Variants in PJVK observed in about 807,000 individuals in gnomAD.
The protein encoded by PJVK is autosomal recessive deafness type 59 protein.
PJVK carries 33 observed loss-of-function variants against 37.6 expected under a neutral mutation model. The ratio of observed to expected loss-of-function variants is 0.88; its 90% CI spans 0.67 to 1.17. PJVK has a LOEUF of 1.17. Ranked by LOEUF, PJVK falls within the 50% of genes most tolerant of loss-of-function variation. PJVK has a pLI of 0.00. For synonymous variants in PJVK, 141 were observed against 143.5 expected (o/e 0.98, Z 0.13); for missense variants, 410 against 413.8 (o/e 0.99, Z 0.08).
rs149317518 is a variant in PJVK, at chr2:178,458,923, A to G, written c.667+296A>G. 4.0e-3 allele frequency among the ~76,000 whole-genome samples: 609 copies of G among 152,286 alleles called. 2 individuals carry two copies. Among genetic ancestry groups the G allele is most frequent in the Middle Eastern group, 0.014 (4 of 294 alleles). ...ACTGACAAAGTATTCCTTAGCTTAC[A>G]TGGGGAGATAATAAATGACCTTCTT... On this transcript the variant is annotated intron_variant, in intron 5 of 6. Transcript: ENST00000644580.
In PJVK at chr2:178,461,584, C is replaced by CTTTTTTTTTTTTTTTTTTTT. The variant is rs536141412; in HGVS notation, c.*328_*329insTTTTTTTTTTTTTTTTTTTT. Among the ~76,000 whole-genome samples, 11 of 122,782 alleles carry CTTTTTTTTTTTTTTTTTTTT rather than the reference C, an allele frequency of 9.0e-5. No homozygotes were observed. The highest frequency in any genetic ancestry group is 3.2e-4 in the African/African-American group (10 of 30,994). 80.5% of individuals were successfully genotyped at this position (122,782 alleles called of 152,430 possible). A position where few individuals can be genotyped will look rare whatever the true frequency, so the allele number is the denominator to read the frequency against. On this transcript the variant is annotated 3_prime_UTR_variant, in exon 7 of 7. Coordinates refer to ENST00000644580, the MANE Select transcript of PJVK (RefSeq NM_001042702.5). ...GATGTAGTCTATCATTTTAGTTCAC[C>CTTTTTTTTTTTTTTTTTTTT]TTTTTTTTTTTTTTTTTTGAGACAG...
rs953082129 is a variant in PJVK, at chr2:178,462,002, C to T, written c.*728C>T. On this transcript the variant is annotated 3_prime_UTR_variant, in exon 7 of 7. Coordinates refer to ENST00000644580, the MANE Select transcript of PJVK (RefSeq NM_001042702.5). ...CAAGTAGCAACTTTTGGTGTTTCAA[C>T]TATTGCCTTTGGTCTGGTAAAATGA... Among the ~76,000 whole-genome samples, 1 of 152,192 alleles carries T rather than the reference C, an allele frequency of 6.6e-6. No homozygotes were observed. The highest frequency in any genetic ancestry group is 1.5e-5 in the Non-Finnish European group (1 of 68,030).
At chr2:178,457,112 G>C (rs1684157362) in intron 4 of PJVK, among the ~76,000 whole-genome samples, 1 of 152,098 alleles carries the variant, frequency 6.6e-6, no homozygotes, top group Non-Finnish European at 1.5e-5. Flanking sequence ...GGGACTACAG[G>C]CACCTGCCAC....
chr2:178,454,562 T>C, intron 3 of PJVK, 35 bp downstream of exon 3: 1 of 1,586,806 alleles, frequency 6.3e-7, no homozygotes, highest in South Asian at 1.1e-5. Flanking sequence ...TTCAGTGTTT[T>C]CATTAAATAC....
Position 178,460,231 on chromosome 2 carries a change from A to G in PJVK, c.668-117A>G, listed in dbSNP as rs115605819. ...AATGTTACCTTTTCCAAAAGTATGT[A>G]AAAGTCAACTTTTAAAAACAATACA... On this transcript the variant is annotated intron_variant, in intron 5 of 6. Coordinates refer to ENST00000644580, the MANE Select transcript of PJVK (RefSeq NM_001042702.5). The G allele has an allele frequency of 2.8e-3, 2,488 of 902,984 alleles. 12 individuals are homozygous for G. The highest frequency in any genetic ancestry group is 3.5e-3 in the Non-Finnish European group (2,021 of 576,920). The allele number at this position is 902,984 out of a possible 1,614,324, so 55.9% of individuals were successfully genotyped here. A position where few individuals can be genotyped will look rare whatever the true frequency, so the allele number is the denominator to read the frequency against.
At chr2:178,455,559 C>G (rs1326514787) in intron 3 of PJVK, 1 of 692,088 alleles carries the variant, frequency 1.4e-6, no homozygotes, top group African/African-American at 1.8e-5. Flanking sequence ...ACACAGGTCC[C>G]AGGGCATCAG....
chr2:178,453,830 T>A, intron 2 of PJVK: 1 of 501,618 alleles, frequency 2.0e-6, no homozygotes. Context: ...AATTTTCAAA[T>A]CTATCAATTA....
At chr2:178,455,450 A>T in intron 3 of PJVK, 1 of 1,339,470 alleles carries the variant, frequency 7.5e-7, no homozygotes, top group Non-Finnish European at 1.1e-6. Context: ...CCCTCCCTGA[A>T]CTCTTGGGGC....
chr2:178,453,632 T>C lies in PJVK; in HGVS notation c.211+12T>C, dbSNP rs1343757633. 1.2e-6 allele frequency: 2 copies of C among 1,600,414 alleles called. No homozygotes were observed. Among genetic ancestry groups the C allele is most frequent in the Middle Eastern group, 1.7e-4 (1 of 5,774 alleles). ...AGAAATTTCAGCTGGTAAGTTTAAATGTTTGGGAGTGCCAACTCATTCATC... is the reference window on the plus strand; with the variant it reads ...AGAAATTTCAGCTGGTAAGTTTAAACGTTTGGGAGTGCCAACTCATTCATC... On this transcript the variant is annotated intron_variant, in intron 2 of 6. Coordinates refer to ENST00000644580, the MANE Select transcript of PJVK (RefSeq NM_001042702.5).
chr2:178,453,990 G>C (rs1697889051), intron 2 of PJVK: 2 of 311,748 alleles, frequency 6.4e-6, no homozygotes, highest in Non-Finnish European at 1.3e-5. Flanking sequence ...TATTACAATT[G>C]GTAAACTGAA....
In PJVK at chr2:178,454,519, T is replaced by G; in HGVS notation, c.399T>G (p.Ile133Met). The G allele has an allele frequency of 6.2e-7, 1 of 1,613,410 alleles. No homozygotes were observed. Among genetic ancestry groups the G allele is most frequent in the Non-Finnish European group, 8.5e-7 (1 of 1,179,714 alleles). ...EVEVSTLLKEITTRKINFDHS... is the reference protein window; with the variant it reads ...EVEVSTLLKEMTTRKINFDHS... ...AAGTATCAACATTACTCAAAGAAAT[T>G]ACTACACGGTCAGTATAATAATCCT... The change falls in exon 3 of 7, where the codon ATT becomes ATG. Residue 133 changes from isoleucine to methionine, a missense_variant. Coordinates refer to ENST00000644580, the MANE Select transcript of PJVK (RefSeq NM_001042702.5).
At position 178,461,437 on chromosome 2, in the gene PJVK, T is replaced by G; in HGVS notation, c.*163T>G. The stretch of plus-strand genomic sequence containing the variant: ...TTCCCTATCTATAAAGTAGCAATTA[T>G]AACAGTAGTGTCTATTTCTTAAGTT... On this transcript the variant is annotated 3_prime_UTR_variant, in exon 7 of 7. Coordinates refer to ENST00000644580, the MANE Select transcript of PJVK (RefSeq NM_001042702.5). 1 of 681,476 alleles carries G rather than the reference T, an allele frequency of 1.5e-6. No homozygotes were observed. Among genetic ancestry groups the G allele is most frequent in the Non-Finnish European group, 2.4e-6 (1 of 408,416 alleles). The allele number at this position is 681,476 out of a possible 1,614,324, so 42.2% of individuals were successfully genotyped here.
chr2:178,453,153 A>G (rs1239776408), intron 1 of PJVK: 2 of 442,184 alleles, frequency 4.5e-6, no homozygotes, highest in Non-Finnish European at 8.3e-6. Flanking sequence ...TGTATATTTT[A>G]GTGCTATAGC....
At position 178,457,755 on chromosome 2, in the gene PJVK, C is replaced by T. The variant is rs571645443; in HGVS notation, c.550-755C>T. 7.2e-5 allele frequency among the ~76,000 whole-genome samples: 11 copies of T among 152,136 alleles called. No homozygotes were observed. The East Asian group carries it at 1.5e-3, about 21-fold the overall frequency. ...TTGCAGGTTCGAGCTCAGGACTTGG[C>T]GGGGACACCTTAGGATGCAGGAGTG... On this transcript the variant is annotated intron_variant, in intron 4 of 6. Coordinates refer to ENST00000644580, the MANE Select transcript of PJVK (RefSeq NM_001042702.5).
At chr2:178,454,238 T>G (rs1174985991) in intron 2 of PJVK, 94 bp from the exon 3 acceptor site, 1 of 1,057,750 alleles carries the variant, frequency 9.5e-7, no homozygotes, top group Non-Finnish European at 1.4e-6. Flanking sequence ...AACATTTGGG[T>G]ATTTGAGTCT....
At chr2:178,454,782 G>A in intron 3 of PJVK, 1 of 1,578,522 alleles carries the variant, frequency 6.3e-7, no homozygotes, top group Non-Finnish European at 8.7e-7. Context: ...GCTGCAGCTA[G>A]AGATTGACCA....
chr2:178,455,015 AGGGAAGGACGTGGT>A (rs1187640577), intron 3 of PJVK: 1 of 1,083,084 alleles, frequency 9.2e-7, no homozygotes, highest in Non-Finnish European at 1.4e-6. Flanking sequence ...TCCAGCTGAA[AGGGAAGGACGTGGT>A]GGTGGCATCC....
At chr2:178,459,424 A>G (rs1684347347) in intron 5 of PJVK, among the ~76,000 whole-genome samples, 2 of 152,178 alleles carry the variant, frequency 1.3e-5, no homozygotes, top group Non-Finnish European at 2.9e-5. Context: ...AGTAGATTAT[A>G]TATATATTTA....
chr2:178,455,710 T>A (rs966237285), intron 3 of PJVK, among the ~76,000 whole-genome samples: 1 of 152,110 alleles, frequency 6.6e-6, no homozygotes, highest in African/African-American at 2.4e-5. Flanking sequence ...ACTTTGGCTC[T>A]ACACACATTT....
Sources: gnomAD v4.1 joint callset for allele counts (sites outside exome capture counted in the v4.1 genomes callset) on GRCh38, gnomAD v4.1.1 for gene constraint, MANE v1.5 for transcripts, NCBI Gene and HGNC (gene_info 2026-07-23, HGNC 2026-07-21) for gene names.